The following KLHL4 variants were observed in gnomAD, a reference collection of about 807,000 sequenced individuals.
KLHL4 encodes the protein kelch-like protein 4.
In KLHL4, 17 loss-of-function variants were observed where a neutral mutation model predicts 45.8. That is an observed-to-expected ratio of 0.37 (90% CI 0.25 to 0.56). KLHL4 has a LOEUF of 0.56. KLHL4 is among the 20% of genes least tolerant of loss of function. The pLI is 0.79. For missense variants in KLHL4, 544 were observed against 544.9 expected (o/e 1.00, Z 0.02); for synonymous variants, 224 against 189.9 (o/e 1.18, Z -1.47).
chrX:87,574,452 A>G (rs1315850695), intron 1 of KLHL4, among the ~76,000 whole-genome samples: 1 of 111,732 alleles, frequency 8.9e-6, no homozygotes, highest in Non-Finnish European at 1.9e-5. Context: ...CTAAATATGT[A>G]TTAGATTGAG....
intron 1 of KLHL4, among the ~76,000 whole-genome samples, chrX:87,530,903 C>T (rs1168480310): frequency 1.4e-4 from 15 of 110,387 alleles, no homozygotes; most frequent in African/African-American, 6.6e-5. Context: ...TAAAAGTGTT[C>T]CTTTTTCTCC....
Position 87,588,140 on chromosome X carries a change from G to T in KLHL4, c.423-25737G>T, listed in dbSNP as rs778423947. Among the ~76,000 whole-genome samples the T allele has an allele frequency of 5.4e-5, 6 of 111,422 alleles. No homozygotes were observed. The East Asian group carries it at 1.7e-3, about 31-fold the overall frequency. ...GGAAAATTATAAAACACTGATGAAA[G>T]AAATTAAAGAGGACACACACTCCCA... On this transcript the variant is annotated intron_variant, in intron 1 of 10. Coordinates refer to ENST00000373119, the MANE Select transcript of KLHL4 (RefSeq NM_019117.5).
chrX:87,636,513 G>GGATAGC (rs759765668), intron 9 of KLHL4, among the ~76,000 whole-genome samples: 170 of 111,786 alleles, frequency 1.5e-3, no homozygotes, highest in African/African-American at 5.1e-3. Context: ...TGCTGCGCAG[G>GGATAGC]GATAGCCGTA....
rs193230053 is a variant in KLHL4 at position 87,616,629 on chromosome X, T to C, written c.728-1303T>C. The stretch of plus-strand genomic sequence containing the variant: ...TAAGCATGCTTGTAACTGAATACTG[T>C]ACACTGTAATATACAATGCTTTCCT... On this transcript the variant is annotated intron_variant, in intron 3 of 10. Coordinates refer to ENST00000373119, the MANE Select transcript of KLHL4 (RefSeq NM_019117.5). Among the ~76,000 whole-genome samples, 171 of 112,035 alleles carry C rather than the reference T, an allele frequency of 1.5e-3. 1 individual carries two copies. The highest frequency in any genetic ancestry group is 5.2e-3 in the African/African-American group (162 of 30,968).
intron 1 of KLHL4, among the ~76,000 whole-genome samples, chrX:87,564,259 T>A (rs767472074): frequency 9.0e-6 from 1 of 111,235 alleles, no homozygotes; most frequent in Non-Finnish European, 1.9e-5. Flanking sequence ...TGTATTATGA[T>A]AATATGTAAA....
chrX:87,576,318 C>T (rs1317521885), intron 1 of KLHL4, among the ~76,000 whole-genome samples: 1 of 110,723 alleles, frequency 9.0e-6, no homozygotes, highest in African/African-American at 3.3e-5. Flanking sequence ...TATTTTAATC[C>T]ATAAAACATA....
rs758575630 is a variant in KLHL4, at chrX:87,531,140, G to C, written c.422+12825G>C. 4.6e-3 allele frequency among the ~76,000 whole-genome samples: 504 copies of C among 110,317 alleles called. 1 individual carries two copies. Among genetic ancestry groups the C allele is most frequent in the Non-Finnish European group, 8.2e-3 (431 of 52,731 alleles). On this transcript the variant is annotated intron_variant, in intron 1 of 10. Coordinates refer to ENST00000373119, the MANE Select transcript of KLHL4 (RefSeq NM_019117.5). ...TTGTTTTTTTCTTGTAAATTTGTTT[G>C]AGTTCATTGTAGATTCTGGATATTA...
chrX:87,629,184 C>T (rs1221225667), intron 6 of KLHL4, among the ~76,000 whole-genome samples: 5 of 110,769 alleles, frequency 4.5e-5, no homozygotes, highest in South Asian at 7.6e-4. Flanking sequence ...ACATTATGAA[C>T]GAAGATTGGG....
chrX:87,619,999 T>A (rs1228448987), intron 4 of KLHL4, among the ~76,000 whole-genome samples: 1 of 111,710 alleles, frequency 9.0e-6, no homozygotes, highest in East Asian at 2.8e-4. Flanking sequence ...CCTTCCCTAA[T>A]GTGAATGGGC....
chrX:87,611,563 C>T (rs910733301), intron 1 of KLHL4, among the ~76,000 whole-genome samples: 3 of 110,891 alleles, frequency 2.7e-5, no homozygotes, highest in East Asian at 2.8e-4. Context: ...AAACCTACTG[C>T]ACTATCAGTC....
chrX:87,525,126 A>C (rs1055687156), intron 1 of KLHL4, among the ~76,000 whole-genome samples: 2 of 112,200 alleles, frequency 1.8e-5, no homozygotes, highest in African/African-American at 3.2e-5. Context: ...TAGTAACTAC[A>C]TGCAGTATCA....
chrX:87,624,539 A>T (rs1922858996), intron 5 of KLHL4, among the ~76,000 whole-genome samples: 1 of 111,752 alleles, frequency 8.9e-6, no homozygotes, highest in African/African-American at 3.3e-5. Flanking sequence ...AACTGAAATT[A>T]ACACATGAAG....
In KLHL4 at chrX:87,668,440, G is replaced by A; in HGVS notation, c.*1906G>A. 3 of 752,801 alleles carry A rather than the reference G, an allele frequency of 4.0e-6. No homozygotes were observed. The South Asian group carries it at 2.0e-4, about 51-fold the overall frequency. 62.0% of individuals were successfully genotyped at this position (752,801 alleles called of 1,213,427 possible). A position where few individuals can be genotyped will look rare whatever the true frequency, so the allele number is the denominator to read the frequency against. ...GGACTTGATTAAGTATTGACTCATA[G>A]AAGAGACATGTATGTTTCCCGGGGC... On this transcript the variant is annotated 3_prime_UTR_variant, in exon 11 of 11. Coordinates refer to ENST00000373119, the MANE Select transcript of KLHL4 (RefSeq NM_019117.5).
intron 1 of KLHL4, among the ~76,000 whole-genome samples, chrX:87,555,046 C>A (rs868017359): frequency 1.0e-5 from 1 of 100,258 alleles, no homozygotes; most frequent in African/African-American, 3.7e-5. Context: ...ATTGAACCAG[C>A]CTTGCATCCC....
chrX:87,662,791 G>A (rs769661333), intron 9 of KLHL4, among the ~76,000 whole-genome samples: 7 of 109,547 alleles, frequency 6.4e-5, no homozygotes, highest in African/African-American at 2.3e-4. Context: ...TTAGCCGGTC[G>A]TGGTGGCGGG....
intron 1 of KLHL4, among the ~76,000 whole-genome samples, chrX:87,613,227 T>C (rs1428140882): frequency 2.7e-5 from 3 of 112,068 alleles, no homozygotes; most frequent in Non-Finnish European, 3.8e-5. Flanking sequence ...CTACTGATTG[T>C]AAGCCTGTGT....
chrX:87,621,853 C>T (rs895569714), intron 4 of KLHL4, among the ~76,000 whole-genome samples: 14 of 111,717 alleles, frequency 1.3e-4, no homozygotes, highest in African/African-American at 4.2e-4. Context: ...TGGCTTTTGG[C>T]TGAAGACCAA....
chrX:87,611,659 C>CATACTATACTATACTATACT (rs201194879), intron 1 of KLHL4, among the ~76,000 whole-genome samples: 13,908 of 101,419 alleles, frequency 0.14, 870 homozygotes, highest in Middle Eastern at 0.19. Context: ...GGTTTAAGTA[C>CATACTATACTATACTATACT]ATACTATACT....
intron 3 of KLHL4, among the ~76,000 whole-genome samples, chrX:87,616,418 G>C (rs1922558028): frequency 9.0e-6 from 1 of 111,543 alleles, no homozygotes; most frequent in Admixed American, 9.6e-5. Context: ...ATTTCAATAA[G>C]CTTTTTAAAA....
Sources: gnomAD v4.1 joint callset for allele counts (sites outside exome capture counted in the v4.1 genomes callset) on GRCh38, gnomAD v4.1.1 for gene constraint, MANE v1.5 for transcripts, NCBI Gene and HGNC (gene_info 2026-07-23, HGNC 2026-07-21) for gene names.